Variants in ASB18 observed in about 807,000 individuals in gnomAD.
ASB18 encodes ankyrin repeat and SOCS box protein 18.
In ASB18, 33 loss-of-function variants were observed where a neutral mutation model predicts 33.4. The ratio of observed to expected loss-of-function variants is 0.99; its 90% CI spans 0.75 to 1.32. The LOEUF is 1.32. Among genes scored for constraint, ASB18 ranks in the 40% most tolerant of loss-of-function variants. The pLI is 0.00. For missense variants in ASB18, 694 were observed against 655.5 expected (o/e 1.06, Z -0.64); for synonymous variants, 295 against 307.6 (o/e 0.96, Z 0.43).
In ASB18 at chr2:236,259,973, C is replaced by CA. The variant is rs2060710577; in HGVS notation, c.205+4167_205+4168insT. On this transcript the variant is annotated intron_variant, in intron 1 of 5. Coordinates refer to ENST00000409749, the MANE Select transcript of ASB18 (RefSeq NM_212556.4). This position sits in a 1 kb window ranked among gnomAD's most constrained non-coding sequence, Gnocchi z 4.4. ...CATTGGATGCCACTTTTTCTCTATG[C>CA]TTTTTTTTGGTGATGTTGACATGGA... 6.6e-6 allele frequency among the ~76,000 whole-genome samples: 1 copy of CA among 151,944 alleles called. No individual in the cohort carries two copies. The highest frequency in any genetic ancestry group is 6.6e-5 in the Admixed American group (1 of 15,252).
At chr2:236,258,954 C>A (rs751658214) in intron 1 of ASB18, among the ~76,000 whole-genome samples, 12 of 152,150 alleles carry the variant, frequency 7.9e-5, no homozygotes, top group Non-Finnish European at 1.5e-4. Flanking sequence ...ATGCTGACAT[C>A]CTTAATAATA....
rs1301188347 is a variant in ASB18 at position 236,234,271 on chromosome 2, G to A, written c.596+3418C>T. Among the ~76,000 whole-genome samples, 2 of 152,210 alleles carry A rather than the reference G, an allele frequency of 1.3e-5. No homozygotes were observed. Among genetic ancestry groups the A allele is most frequent in the Non-Finnish European group, 2.9e-5 (2 of 68,042 alleles). ...TATGTCCCCTAGGAGGCTGCTATGAGATGGTTTCTCAATGCCTTCTGGATC... is the reference window on the plus strand; with the variant it reads ...TATGTCCCCTAGGAGGCTGCTATGAAATGGTTTCTCAATGCCTTCTGGATC... On this transcript the variant is annotated intron_variant, in intron 3 of 5. Transcript: ENST00000409749. The surrounding 1 kb of genome is among the most constrained non-coding windows in gnomAD (Gnocchi z 4.1).
intron 4 of ASB18, among the ~76,000 whole-genome samples, chr2:236,199,645 AG>A (rs2060390494): frequency 6.6e-6 from 1 of 151,826 alleles, no homozygotes; most frequent in Non-Finnish European, 1.5e-5. Context: ...GAAATAGTAG[AG>A]TATACATAAT....
At position 236,244,025 on chromosome 2, in the gene ASB18, C is replaced by A. The variant is rs150646186; in HGVS notation, c.206-2623G>T. On this transcript the variant is annotated intron_variant, in intron 1 of 5. Transcript: ENST00000409749. This position sits in a 1 kb window ranked among gnomAD's most constrained non-coding sequence, Gnocchi z 6.1. ...AATTTTTAGTAGAGACAGGGTTTCA[C>A]CTTGTTGGCTAGGCTGGTCTCAAAC... Among the ~76,000 whole-genome samples, 271 of 152,286 alleles carry A rather than the reference C, an allele frequency of 1.8e-3. 1 individual carries two copies. The highest frequency in any genetic ancestry group is 6.4e-3 in the African/African-American group (265 of 41,552).
Position 236,259,554 on chromosome 2 carries a change from G to A in ASB18, c.205+4587C>T, listed in dbSNP as rs1465053263. 2.1e-6 allele frequency: 1 copy of A among 471,240 alleles called. No homozygotes were observed. The highest frequency in any genetic ancestry group is 4.4e-6 in the Non-Finnish European group (1 of 227,046). 29.2% of individuals were successfully genotyped at this position (471,240 alleles called of 1,614,324 possible). ...CAGTGGGAAGGGATGGCCTTCCAGT[G>A]GACGTGACCTCCCCTGCATGGGGTC... On this transcript the variant is annotated intron_variant, in intron 1 of 5. Coordinates refer to ENST00000409749, the MANE Select transcript of ASB18 (RefSeq NM_212556.4). The surrounding 1 kb of genome is among the most constrained non-coding windows in gnomAD (Gnocchi z 4.4).
At chr2:236,236,915 T>C (rs1433896054) in intron 3 of ASB18, among the ~76,000 whole-genome samples, 3 of 152,078 alleles carry the variant, frequency 2.0e-5, no homozygotes, top group Non-Finnish European at 4.4e-5. Flanking sequence ...AAAGTCAGGA[T>C]GACACAATGC....
At chr2:236,206,475 T>G (rs1336295943) in intron 4 of ASB18, among the ~76,000 whole-genome samples, 2 of 152,206 alleles carry the variant, frequency 1.3e-5, no homozygotes, top group African/African-American at 2.4e-5. Context: ...AGGACAAAGC[T>G]GACTCACTGA....
chr2:236,225,964 C>A lies in ASB18; in HGVS notation c.597-11098G>T, dbSNP rs540359308. On this transcript the variant is annotated intron_variant, in intron 3 of 5. Transcript: ENST00000409749. The surrounding 1 kb of genome is among the most constrained non-coding windows in gnomAD (Gnocchi z 5.1). ...AATGGCTCTGTATGTAGGTCAGCGA[C>A]CCCCTCTCTACTGTGAGGTAAAAAA... Among the ~76,000 whole-genome samples, 21 of 151,220 alleles carry A rather than the reference C, an allele frequency of 1.4e-4. 1 individual carries two copies. In the South Asian group the frequency reaches 4.4e-3, roughly 31 times the overall value.
At chr2:236,247,263 ATGT>A (rs941691826) in intron 1 of ASB18, 11 of 150,814 alleles carry the variant, frequency 7.3e-5, no homozygotes, top group Admixed American at 6.6e-4. Flanking sequence ...GAATAGCCAC[ATGT>A]TGATGATTAC....
In ASB18 at chr2:236,205,872, G is replaced by A. The variant is rs922859540; in HGVS notation, c.1101+8490C>T. Among the ~76,000 whole-genome samples, 6 of 152,156 alleles carry A rather than the reference G, an allele frequency of 3.9e-5. No homozygotes were observed. The highest frequency in any genetic ancestry group is 7.2e-5 in the African/African-American group (3 of 41,436). On this transcript the variant is annotated intron_variant, in intron 4 of 5. Transcript: ENST00000409749. The surrounding 1 kb of genome is among the most constrained non-coding windows in gnomAD (Gnocchi z 5.4). ...TGTTACTATTACAGCAGAAACATCT[G>A]AGTCCAGCCTGGTTTTTATTCCTTT...
chr2:236,195,941 G>C lies in ASB18; in HGVS notation c.1215+331C>G. 2.7e-6 allele frequency: 1 copy of C among 372,238 alleles called. No homozygotes were observed. Among genetic ancestry groups the C allele is most frequent in the Non-Finnish European group, 5.2e-6 (1 of 193,784 alleles). The allele number at this position is 372,238 out of a possible 1,614,324, so 23.1% of individuals were successfully genotyped here. On this transcript the variant is annotated intron_variant, in intron 5 of 5. Transcript: ENST00000409749. This position sits in a 1 kb window ranked among gnomAD's most constrained non-coding sequence, Gnocchi z 5.5. The stretch of plus-strand genomic sequence containing the variant: ...GAAGCTGACTCACAGGGCCGGATTA[G>C]TATGTCCTGACGTGGAGCTAGGCCC...
chr2:236,254,827 C>T (rs2060684718), intron 1 of ASB18, among the ~76,000 whole-genome samples: 1 of 152,116 alleles, frequency 6.6e-6, no homozygotes, highest in African/African-American at 2.4e-5. Context: ...TGCCAATTAT[C>T]ATTCCCAATG....
intron 1 of ASB18, chr2:236,247,459 A>C (rs1011032474): frequency 1.7e-4 from 26 of 152,188 alleles, no homozygotes; most frequent in African/African-American, 6.3e-4. Context: ...AGGACTCCAG[A>C]AGACAGAAGT....
chr2:236,258,977 C>A (rs1340638393), intron 1 of ASB18, among the ~76,000 whole-genome samples: 3 of 152,050 alleles, frequency 2.0e-5, no homozygotes, highest in Non-Finnish European at 4.4e-5. Flanking sequence ...AATTAGTAAT[C>A]AGTTGTTTCT....
chr2:236,226,804 G>A lies in ASB18; in HGVS notation c.596+10885C>T, dbSNP rs1173813253. On this transcript the variant is annotated intron_variant, in intron 3 of 5. Coordinates refer to ENST00000409749, the MANE Select transcript of ASB18 (RefSeq NM_212556.4). This position sits in a 1 kb window ranked among gnomAD's most constrained non-coding sequence, Gnocchi z 4.8. ...AAGTGGGAGAGGAGTTGGGGCCCAA[G>A]GTATGAAGCAGACTTGATTTTTAAA... is the stretch of plus-strand genomic sequence containing the variant. Among the ~76,000 whole-genome samples, 1 of 152,206 alleles carries A rather than the reference G, an allele frequency of 6.6e-6. No homozygotes were observed. Among genetic ancestry groups the A allele is most frequent in the African/African-American group, 2.4e-5 (1 of 41,444 alleles).
In ASB18 at chr2:236,208,296, G is replaced by A. The variant is rs79961602; in HGVS notation, c.1101+6066C>T. On this transcript the variant is annotated intron_variant, in intron 4 of 5. Coordinates refer to ENST00000409749, the MANE Select transcript of ASB18 (RefSeq NM_212556.4). This position sits in a 1 kb window ranked among gnomAD's most constrained non-coding sequence, Gnocchi z 7.7. The stretch of plus-strand genomic sequence containing the variant: ...GCGCCCCACACATGTTGATATTTCT[G>A]GCTCACACGAGCCCCACTAACATGC... Among the ~76,000 whole-genome samples, 1,700 of 152,176 alleles carry A rather than the reference G, an allele frequency of 0.011. 14 individuals carry two copies. Among genetic ancestry groups the A allele is most frequent in the Non-Finnish European group, 0.017 (1,138 of 68,010 alleles).
rs11687393 is a variant in ASB18, at chr2:236,235,162, G to C, written c.596+2527C>G. On this transcript the variant is annotated intron_variant, in intron 3 of 5. Coordinates refer to ENST00000409749, the MANE Select transcript of ASB18 (RefSeq NM_212556.4). The surrounding 1 kb of genome is among the most constrained non-coding windows in gnomAD (Gnocchi z 6.2). ...CTGACACTTTACCAAAGAAGATACA[G>C]TCATGTCCCTTATAACAATGGTTTT... Among the ~76,000 whole-genome samples, 25,424 of 152,258 alleles carry C rather than the reference G, an allele frequency of 0.17. 2,184 individuals are homozygous for C. The highest frequency in any genetic ancestry group is 0.24 in the South Asian group (1,159 of 4,828).
rs2060517301 is a variant in ASB18, at chr2:236,222,527, AC to A, written c.597-7662del. Among the ~76,000 whole-genome samples the A allele has an allele frequency of 6.6e-6, 1 of 152,232 alleles. No individual in the cohort carries two copies. Among genetic ancestry groups the A allele is most frequent in the Non-Finnish European group, 1.5e-5 (1 of 68,050 alleles). Reference sequence around the variant, plus strand: ...GAACAAGATTTGTACAGTCAGCTCCACTGTGTGCCCCATGATATAGTTTGGA... The same window carrying A: ...GAACAAGATTTGTACAGTCAGCTCCATGTGTGCCCCATGATATAGTTTGGA... On this transcript the variant is annotated intron_variant, in intron 3 of 5. Coordinates refer to ENST00000409749, the MANE Select transcript of ASB18 (RefSeq NM_212556.4). This position sits in a 1 kb window ranked among gnomAD's most constrained non-coding sequence, Gnocchi z 5.5.
chr2:236,249,586 C>G lies in ASB18; in HGVS notation c.206-8184G>C, dbSNP rs1214309094. 1 of 152,130 alleles carries G rather than the reference C, an allele frequency of 6.6e-6. No individual in the cohort carries two copies. Among genetic ancestry groups the G allele is most frequent in the African/African-American group, 2.4e-5 (1 of 41,422 alleles). The allele number at this position is 152,130 out of a possible 1,614,324, so 9.4% of individuals were successfully genotyped here. A position where few individuals can be genotyped will look rare whatever the true frequency, so the allele number is the denominator to read the frequency against. On this transcript the variant is annotated intron_variant, in intron 1 of 5. Transcript: ENST00000409749. This position sits in a 1 kb window ranked among gnomAD's most constrained non-coding sequence, Gnocchi z 4.6. ...GAAATGCTTCTGAACAAATACAATG[C>G]CCTTCTTGAAAGAGAGGGATTCTGA...
Sources: allele counts gnomAD v4.1 joint callset (sites outside exome capture counted in the v4.1 genomes callset), GRCh38; gene constraint gnomAD v4.1.1; non-coding constraint Gnocchi (gnomAD v3.1); transcripts MANE v1.5; gene names NCBI Gene and HGNC (gene_info 2026-07-23, HGNC 2026-07-21).